ACTN1: variants seen among roughly 807,000 people sequenced by gnomAD.
The protein encoded by ACTN1 is alpha-actinin-1.
ACTN1 carries 30 observed loss-of-function variants against 119.6 expected under a neutral mutation model. The ratio of observed to expected loss-of-function variants is 0.25; its 90% CI spans 0.19 to 0.34. The LOEUF (loss-of-function observed/expected upper bound fraction) is 0.34, where lower values mean the gene tolerates loss of function less well. ACTN1 is among the 10% of genes least tolerant of loss of function. The pLI is 1.00. For missense variants in ACTN1, 764 were observed against 1,223.4 expected (o/e 0.62, Z 5.60); for synonymous variants, 429 against 472.6 (o/e 0.91, Z 1.20).
At chr14:68,949,834 A>G (rs760242651) in intron 1 of ACTN1, among the ~76,000 whole-genome samples, 1 of 152,234 alleles carries the variant, frequency 6.6e-6, no homozygotes, top group African/African-American at 2.4e-5. Flanking sequence ...ACATTCTGCT[A>G]AGTGAAAATA....
chr14:68,974,552 TCACACACACA>T lies in ACTN1; in HGVS notation c.105+4390_105+4399del, dbSNP rs5809408. On this transcript the variant is annotated intron_variant, in intron 1 of 21. Coordinates refer to ENST00000394419, the MANE Select transcript of ACTN1 (RefSeq NM_001130004.2). ...CTCTCCCCACCTCTGTCCTACAACA[TCACACACACA>T]CACACACACACACGTGGCTGAAATG... Among the ~76,000 whole-genome samples, 3 of 149,798 alleles carry T rather than the reference TCACACACACA, an allele frequency of 2.0e-5. No homozygotes were observed. In the East Asian group the frequency reaches 5.9e-4, roughly 29 times the overall value.
At chr14:68,975,040 C>G (rs142388472) in intron 1 of ACTN1, among the ~76,000 whole-genome samples, 1 of 152,344 alleles carries the variant, frequency 6.6e-6, no homozygotes, top group East Asian at 1.9e-4. Flanking sequence ...AAGTCCGACA[C>G]AGCCTGCAGA....
rs576276754 is a variant in ACTN1, at chr14:68,955,167, A to T, written c.105+23785T>A. Reference sequence around the variant, plus strand: ...GAAGCTCCCACAGGGAAAAAGAGGGAAGCAGCCAGAGGGTTTCTTGACCTA... The same window carrying T: ...GAAGCTCCCACAGGGAAAAAGAGGGTAGCAGCCAGAGGGTTTCTTGACCTA... On this transcript the variant is annotated intron_variant, in intron 1 of 21. Transcript: ENST00000394419. Among the ~76,000 whole-genome samples the T allele has an allele frequency of 2.0e-5, 3 of 152,322 alleles. No homozygotes were observed. In the East Asian group the frequency reaches 5.8e-4, roughly 29 times the overall value.
intron 1 of ACTN1, among the ~76,000 whole-genome samples, chr14:68,971,610 C>G (rs1021197858): frequency 6.6e-6 from 1 of 152,188 alleles, no homozygotes; most frequent in African/African-American, 2.4e-5. Context: ...GAAGTGTCAT[C>G]ATCCCACATA....
At chr14:68,910,996 G>A (rs945788938) in intron 4 of ACTN1, among the ~76,000 whole-genome samples, 1 of 152,286 alleles carries the variant, frequency 6.6e-6, no homozygotes, top group East Asian at 1.9e-4. Flanking sequence ...TCTCGGGTAT[G>A]TCCTTACCAG....
chr14:68,904,808 T>G (rs1594790278), intron 6 of ACTN1, 72 bp from the exon 7 acceptor site: 4 of 1,349,360 alleles, frequency 3.0e-6, no homozygotes, highest in Non-Finnish European at 3.2e-6. Flanking sequence ...CCCAATTGGG[T>G]GGCCACCCAA....
chr14:68,890,109 G>A (rs372305135), intron 11 of ACTN1, 30 bp downstream of exon 11: 14 of 1,599,896 alleles, frequency 8.8e-6, no homozygotes, highest in South Asian at 7.8e-5. Context: ...TGAAGCCCTG[G>A]GGGGAGGCAG....
intron 1 of ACTN1, among the ~76,000 whole-genome samples, chr14:68,976,690 G>A (rs1186544709): frequency 2.0e-5 from 3 of 152,222 alleles, no homozygotes; most frequent in South Asian, 4.1e-4. Context: ...GGACAAGTGA[G>A]GGGAAGCTGC....
chr14:68,978,916 G>GGCTGGGGGCTGGGGGCTGGGA, intron 1 of ACTN1, 36 bp downstream of exon 1: 1 of 1,429,828 alleles, frequency 7.0e-7, no homozygotes, highest in South Asian at 1.3e-5. Context: ...GGGGGCTGGG[G>GGCTGGGGGCTGGGGGCTGGGA]GCTGGGGGCT....
chr14:68,976,237 T>C (rs1309838864), intron 1 of ACTN1, among the ~76,000 whole-genome samples: 2 of 152,114 alleles, frequency 1.3e-5, no homozygotes, highest in East Asian at 3.9e-4. Flanking sequence ...CGGGTGACCT[T>C]TGTATCCCTC....
chr14:68,927,883 G>A (rs554460126), intron 1 of ACTN1, among the ~76,000 whole-genome samples: 1 of 152,340 alleles, frequency 6.6e-6, no homozygotes, highest in East Asian at 1.9e-4. Flanking sequence ...TCTTCAAGCT[G>A]TGCGTTCACA....
Position 68,909,187 on chromosome 14 carries a change from G to T in ACTN1, c.594+131C>A. On this transcript the variant is annotated intron_variant, in intron 6 of 21. Transcript: ENST00000394419. This position sits in a 1 kb window ranked among gnomAD's most constrained non-coding sequence, Gnocchi z 4.1. ...TCTCTTCACTTTCAGTTGGGGCTCT[G>T]TCTGGCTATTCTAAGAGGCCAACAC... is the stretch of plus-strand genomic sequence containing the variant. 2 of 849,840 alleles carry T rather than the reference G, an allele frequency of 2.4e-6. No individual in the cohort carries two copies. Among genetic ancestry groups the T allele is most frequent in the East Asian group, 2.7e-5 (1 of 37,158 alleles). 52.6% of individuals were successfully genotyped at this position (849,840 alleles called of 1,614,324 possible).
Position 68,878,532 on chromosome 14 carries a change from G to C in ACTN1, c.2362-9C>G. Reference sequence around the variant, plus strand: ...ATCATGCCTGTCTTCTTCTGTGGGGGGCAGTGGTACCAAGACACAAGGAGG... The same window carrying C: ...ATCATGCCTGTCTTCTTCTGTGGGGCGCAGTGGTACCAAGACACAAGGAGG... On this transcript the variant is annotated splice_polypyrimidine_tract_variant and intron_variant, in intron 19 of 21. Coordinates refer to ENST00000394419, the MANE Select transcript of ACTN1 (RefSeq NM_001130004.2). This position sits in a 1 kb window ranked among gnomAD's most constrained non-coding sequence, Gnocchi z 4.4. 6.2e-7 allele frequency: 1 copy of C among 1,610,160 alleles called. No individual in the cohort carries two copies. The highest frequency in any genetic ancestry group is 8.5e-7 in the Non-Finnish European group (1 of 1,177,650).
At chr14:68,944,727 G>A (rs2035878391) in intron 1 of ACTN1, among the ~76,000 whole-genome samples, 1 of 152,152 alleles carries the variant, frequency 6.6e-6, no homozygotes, top group Non-Finnish European at 1.5e-5. Flanking sequence ...TAAGGCTGGG[G>A]AGTATTAGAT....
chr14:68,877,069 A>G lies in ACTN1; in HGVS notation c.2586+13T>C. On this transcript the variant is annotated intron_variant, in intron 21 of 21. Transcript: ENST00000394419. ...TGCCACCCCAGCACAGTGCCCACCC[A>G]TAGGACACCCACCTTGTCCCCAGCC... The G allele has an allele frequency of 6.2e-7, 1 of 1,613,764 alleles. No individual in the cohort carries two copies. The highest frequency in any genetic ancestry group is 8.5e-7 in the Non-Finnish European group (1 of 1,179,834).
At chr14:68,964,609 C>T (rs1328418968) in intron 1 of ACTN1, among the ~76,000 whole-genome samples, 6 of 152,212 alleles carry the variant, frequency 3.9e-5, no homozygotes, top group African/African-American at 1.2e-4. Flanking sequence ...CAAAGCCCAA[C>T]TGCCCCACTA....
At position 68,909,340 on chromosome 14, in the gene ACTN1, A is replaced by G. The variant is rs1285902374; in HGVS notation, c.572T>C (p.Ile191Thr). ...TACCTTCCGCAGCTTCCCGTAGTCA[A>G]TCAGCTCGGGCCGGTGTCGGTGGAT... ...ALIHRHRPELIDYGKLRKDDP... is the reference protein window; with the variant it reads ...ALIHRHRPELTDYGKLRKDDP... The change falls in exon 6 of 22, where the codon ATT becomes ACT. Residue 191 changes from isoleucine (I) to threonine (T), a missense_variant. Physicochemically the swap from Ile to Thr is moderately conservative, Grantham distance 89. Coordinates refer to ENST00000394419, the MANE Select transcript of ACTN1 (RefSeq NM_001130004.2). The surrounding 1 kb of genome is among the most constrained non-coding windows in gnomAD (Gnocchi z 4.1). 6.2e-7 allele frequency: 1 copy of G among 1,613,946 alleles called. No individual in the cohort carries two copies. Among genetic ancestry groups the G allele is most frequent in the African/African-American group, 1.3e-5 (1 of 75,020 alleles).
At chr14:68,906,078 C>G (rs1177206888) in intron 6 of ACTN1, among the ~76,000 whole-genome samples, 3 of 150,532 alleles carry the variant, frequency 2.0e-5, no homozygotes, top group Non-Finnish European at 4.4e-5. Context: ...GCCGGGGGGG[C>G]AGGAAAGAAC....
intron 8 of ACTN1, among the ~76,000 whole-genome samples, chr14:68,898,285 AGAGGAGGGG>A (rs1302046541): frequency 1.3e-5 from 2 of 152,248 alleles, no homozygotes; most frequent in Non-Finnish European, 2.9e-5. Context: ...CTGTAAGGGA[AGAGGAGGGG>A]AGAGGGAAGC....
Sources: allele counts gnomAD v4.1 joint callset (sites outside exome capture counted in the v4.1 genomes callset), GRCh38; gene constraint gnomAD v4.1.1; non-coding constraint Gnocchi (gnomAD v3.1); transcripts MANE v1.5; gene names NCBI Gene and HGNC (gene_info 2026-07-23, HGNC 2026-07-21).